The following GTF3C2 variants were observed in gnomAD, a reference collection of about 807,000 sequenced individuals.
The protein encoded by GTF3C2 is general transcription factor IIIC subunit 2, also known as general transcription factor 3C polypeptide 2.
Under a neutral mutation model 117.4 loss-of-function variants are expected in GTF3C2, and 17 were observed. That is an observed-to-expected ratio of 0.14 (90% CI 0.10 to 0.22). The LOEUF (loss-of-function observed/expected upper bound fraction) is 0.22, where lower values mean the gene tolerates loss of function less well. Among genes scored for constraint, GTF3C2 ranks in the 10% least tolerant of loss-of-function variants. The probability of loss-of-function intolerance (pLI) is 1.00; values close to 1 mark genes in which losing one functional copy is unlikely to be tolerated. For synonymous variants in GTF3C2, 437 were observed against 427.0 expected, an observed-to-expected ratio of 1.02 and a Z score of -0.29; for missense variants, 888 against 1,143.6, an observed-to-expected ratio of 0.78 and a Z score of 3.22.
chr2:27,342,711 C>T lies in GTF3C2; in HGVS notation c.569+115G>A. On this transcript the variant is annotated intron_variant, in intron 3 of 18. Coordinates refer to ENST00000264720, the Ensembl canonical transcript of GTF3C2. ...AAAGGACTGCTCAAGTCCCTAGAAT[C>T]CAGACACCACCCCTGCTTACCTAAT... The T allele has an allele frequency of 5.3e-6, 4 of 760,124 alleles. No homozygotes were observed. The South Asian group carries it at 7.0e-5, about 13-fold the overall frequency. 47.1% of individuals were successfully genotyped at this position (760,124 alleles called of 1,614,324 possible). A position where few individuals can be genotyped will look rare whatever the true frequency, so the allele number is the denominator to read the frequency against.
At chr2:27,337,427 T>G in intron 6 of GTF3C2, 54 bp downstream of exon 6, 1 of 1,464,048 alleles carries the variant, frequency 6.8e-7, no homozygotes, top group South Asian at 1.1e-5. Flanking sequence ...TGTCACCCTT[T>G]CGTCTCCAGT....
chr2:27,330,228 C>T (rs906241594), intron 12 of GTF3C2, among the ~76,000 whole-genome samples: 2 of 150,260 alleles, frequency 1.3e-5, no homozygotes, highest in Middle Eastern at 3.3e-3. Flanking sequence ...GAGGCCAATG[C>T]GGGTGGATCA....
At chr2:27,334,149 C>A in intron 10 of GTF3C2, 150 bp from the exon 11 acceptor site, 1 of 684,160 alleles carries the variant, frequency 1.5e-6, no homozygotes, top group South Asian at 1.6e-5. Flanking sequence ...CCTCAGCCTC[C>A]CAAAATGCTG....
At chr2:27,327,774 C>T (rs1390293764) in intron 17 of GTF3C2, among the ~76,000 whole-genome samples, 2 of 151,972 alleles carry the variant, frequency 1.3e-5, no homozygotes, top group African/African-American at 2.4e-5. Flanking sequence ...ACTACAGGCA[C>T]GCGCCACCAC....
At chr2:27,337,456 C>G (rs759913169) in intron 6 of GTF3C2, 25 bp downstream of exon 6, 2 of 1,568,334 alleles carry the variant, frequency 1.3e-6, no homozygotes, top group Non-Finnish European at 1.8e-6. Flanking sequence ...CCTTCCTAAG[C>G]TACAGAGATG....
At chr2:27,342,076 G>A (rs758668541) in exon 4 of GTF3C2, 8 of 1,614,084 alleles carry the variant, frequency 5.0e-6, no homozygotes, top group Non-Finnish European at 5.9e-6. Flanking sequence ...TCATCCCGTG[G>A]AGCACCATCC....
At chr2:27,330,724 G>T (rs1680247535) in intron 12 of GTF3C2, among the ~76,000 whole-genome samples, 1 of 152,128 alleles carries the variant, frequency 6.6e-6, no homozygotes, top group African/African-American at 2.4e-5. Flanking sequence ...ACTTTAGGAG[G>T]CCAGGGTGGA....
Position 27,333,158 on chromosome 2 carries a change from CTTTTTTT to C in GTF3C2, c.1732+490_1732+496del, listed in dbSNP as rs1199330474. On this transcript the variant is annotated intron_variant, in intron 12 of 18. Coordinates refer to ENST00000264720, the Ensembl canonical transcript of GTF3C2. The stretch of plus-strand genomic sequence containing the variant: ...CCACCACACCTGGCCGGCATCTACT[CTTTTTTT>C]TTTTTTTTTTTTTTCCAGACAGGAT... Among the ~76,000 whole-genome samples the C allele has an allele frequency of 3.3e-3, 425 of 130,168 alleles. 2 individuals carry two copies. Among genetic ancestry groups the C allele is most frequent in the African/African-American group, 0.011 (390 of 34,416 alleles). The allele number at this position is 130,168 out of a possible 152,430, so 85.4% of individuals were successfully genotyped here.
intron 4 of GTF3C2, among the ~76,000 whole-genome samples, chr2:27,341,237 T>C (rs928790184): frequency 1.3e-5 from 2 of 152,090 alleles, no homozygotes; most frequent in Non-Finnish European, 2.9e-5. Context: ...GGTTTCACTA[T>C]ATTGGTCAGT....
At chr2:27,355,266 T>A (rs1057374611) in intron 1 of GTF3C2, among the ~76,000 whole-genome samples, 8 of 152,320 alleles carry the variant, frequency 5.3e-5, no homozygotes, top group African/African-American at 1.9e-4. Context: ...CTCACGCCTG[T>A]AATCCCAGCA....
chr2:27,352,093 A>G (rs1343470318), intron 1 of GTF3C2, among the ~76,000 whole-genome samples: 1 of 152,010 alleles, frequency 6.6e-6, no homozygotes, highest in Non-Finnish European at 1.5e-5. Flanking sequence ...CTATCCCTTG[A>G]TCTCTCCAAT....
In GTF3C2 at chr2:27,327,066, G is replaced by A. The variant is rs1680099954; in HGVS notation, c.2517+111C>T. ...GAATGAGGTACGTCTGTCATGCTCTGGAGGAGGAGGAGGTTGTCATCTGTG... is the reference window on the plus strand; with the variant it reads ...GAATGAGGTACGTCTGTCATGCTCTAGAGGAGGAGGAGGTTGTCATCTGTG... On this transcript the variant is annotated intron_variant, in intron 18 of 18. Transcript: ENST00000264720. 8 of 674,542 alleles carry A rather than the reference G, an allele frequency of 1.2e-5. No homozygotes were observed. The South Asian group carries it at 1.5e-4, about 12-fold the overall frequency. 41.8% of individuals were successfully genotyped at this position (674,542 alleles called of 1,614,324 possible). A position where few individuals can be genotyped will look rare whatever the true frequency, so the allele number is the denominator to read the frequency against.
At chr2:27,328,792 A>G in intron 15 of GTF3C2, 52 bp downstream of exon 15, 2 of 1,349,462 alleles carry the variant, frequency 1.5e-6, no homozygotes, top group Non-Finnish European at 2.1e-6. Context: ...AATAGTGCAT[A>G]AATGAGCCAT....
chr2:27,326,981 AGCC>A, intron 18 of GTF3C2, 88 bp from the exon 19 acceptor site: 1 of 810,776 alleles, frequency 1.2e-6, no homozygotes, highest in Non-Finnish European at 2.0e-6. Flanking sequence ...AAAAAAAATG[AGCC>A]ACAATCTGAA....
rs1366560316 is a variant in GTF3C2, at chr2:27,329,688, T to G, written c.1733-165A>C. On this transcript the variant is annotated intron_variant, in intron 12 of 18. Coordinates refer to ENST00000264720, the Ensembl canonical transcript of GTF3C2. This position sits in a 1 kb window ranked among gnomAD's most constrained non-coding sequence, Gnocchi z 4.5. ...GCTATCCAACACTCCCTCCAGGGCT[T>G]AAAGACTCAACCTGGTATTTTAACC... 1.3e-5 allele frequency among the ~76,000 whole-genome samples: 2 copies of G among 152,186 alleles called. No homozygotes were observed. The highest frequency in any genetic ancestry group is 2.9e-5 in the Non-Finnish European group (2 of 68,038).
Position 27,329,534 on chromosome 2 carries a change from G to A in GTF3C2, c.1733-11C>T, listed in dbSNP as rs1680207961. On this transcript the variant is annotated splice_polypyrimidine_tract_variant and intron_variant, in intron 12 of 18. Coordinates refer to ENST00000264720, the Ensembl canonical transcript of GTF3C2. This position sits in a 1 kb window ranked among gnomAD's most constrained non-coding sequence, Gnocchi z 4.5. ...AGAAAACCACCATGCCTGAAATAAG[G>A]ACAGAATGTGTGAGCATTAAAAGCA... is the stretch of plus-strand genomic sequence containing the variant. The A allele has an allele frequency of 6.2e-7, 1 of 1,613,430 alleles. No individual in the cohort carries two copies. The highest frequency in any genetic ancestry group is 2.2e-5 in the East Asian group (1 of 44,890).
At chr2:27,343,367 G>C (rs1299101223) in exon 2 of GTF3C2, 2 of 1,613,924 alleles carry the variant, frequency 1.2e-6, no homozygotes, top group Admixed American at 1.7e-5. Flanking sequence ...CTGATCAGGA[G>C]AATCCTCAAA....
chr2:27,337,779 C>A (rs1415430043), intron 5 of GTF3C2, 147 bp downstream of exon 5: 7 of 711,644 alleles, frequency 9.8e-6, no homozygotes, highest in Non-Finnish European at 1.8e-5. Flanking sequence ...AGAGCTCTTG[C>A]CTCTAGAGCA....
At position 27,331,734 on chromosome 2, in the gene GTF3C2, G is replaced by A. The variant is rs188369183; in HGVS notation, c.1732+1921C>T. 2.0e-5 allele frequency among the ~76,000 whole-genome samples: 3 copies of A among 152,032 alleles called. No individual in the cohort carries two copies. In the East Asian group the frequency reaches 5.9e-4, roughly 30 times the overall value. ...AGGCAGATCACTTTGAGCTCAGGAG[G>A]TGAAGACCAGCCTGGGCAACATGGC... is the stretch of plus-strand genomic sequence containing the variant. On this transcript the variant is annotated intron_variant, in intron 12 of 18. Coordinates refer to ENST00000264720, the Ensembl canonical transcript of GTF3C2.
Sources: allele counts gnomAD v4.1 joint callset (sites outside exome capture counted in the v4.1 genomes callset), GRCh38; gene constraint gnomAD v4.1.1; non-coding constraint Gnocchi (gnomAD v3.1); transcripts MANE v1.5; gene names NCBI Gene and HGNC (gene_info 2026-07-23, HGNC 2026-07-21).